TFCP2: variants seen among roughly 807,000 people sequenced by gnomAD.
The protein encoded by TFCP2 is transcription factor CP2.
Under a neutral mutation model 73.4 loss-of-function variants are expected in TFCP2, and 33 were observed. The observed-to-expected ratio is 0.45, with a 90% CI of 0.34 to 0.60. TFCP2 has a LOEUF of 0.60. TFCP2 is among the 20% of genes least tolerant of loss of function. The pLI is 0.01. For synonymous variants in TFCP2, 193 were observed against 211.6 expected, an observed-to-expected ratio of 0.91 and a Z score of 0.76; for missense variants, 352 against 604.0, an observed-to-expected ratio of 0.58 and a Z score of 4.37.
intron 4 of TFCP2, among the ~76,000 whole-genome samples, chr12:51,115,119 CTTT>C (rs767275906): frequency 6.0e-5 from 5 of 83,794 alleles, no homozygotes; most frequent in Non-Finnish European, 6.9e-5. Flanking sequence ...AAATTGGAAC[CTTT>C]TTTTTTTTTT....
At chr12:51,114,579 T>C (rs1940476058) in intron 4 of TFCP2, among the ~76,000 whole-genome samples, 1 of 151,728 alleles carries the variant, frequency 6.6e-6, no homozygotes, top group Non-Finnish European at 1.5e-5. Context: ...CACTCCAGCC[T>C]GGGCGACAGA....
In TFCP2 at chr12:51,098,899, T is replaced by G; in HGVS notation, c.1296A>C (p.Leu432=). ...TCAATTCAACAGCTGTTAGTTCTTC[T>G]AGATAGATAGCATGGTAAACTGCAA... ...GTFFVYHAIY[L]EELTAVELTE... Residue 432 remains leucine, a synonymous_variant, in exon 13 of 15, where the codon CTA becomes CTC. Coordinates refer to ENST00000257915, the MANE Select transcript of TFCP2 (RefSeq NM_005653.5). 6.2e-7 allele frequency: 1 copy of G among 1,614,134 alleles called. No individual in the cohort carries two copies. Among genetic ancestry groups the G allele is most frequent in the Non-Finnish European group, 8.5e-7 (1 of 1,180,018 alleles).
At chr12:51,142,127 C>T (rs1984544) in intron 1 of TFCP2, among the ~76,000 whole-genome samples, 108,776 of 146,246 alleles carry the variant, frequency 0.74, 40,605 homozygotes, top group Non-Finnish European at 0.77. Flanking sequence ...TGCTTGAAAT[C>T]CCCAAGGCGG....
intron 1 of TFCP2, among the ~76,000 whole-genome samples, chr12:51,130,046 G>A (rs943792341): frequency 6.6e-6 from 1 of 152,162 alleles, no homozygotes; most frequent in African/African-American, 2.4e-5. Context: ...AGTTAATTGG[G>A]AGGCTGAGGT....
intron 1 of TFCP2, among the ~76,000 whole-genome samples, chr12:51,140,445 CTTTTTTTTT>C (rs768526922): frequency 9.1e-5 from 8 of 88,036 alleles, no homozygotes; most frequent in Non-Finnish European, 1.7e-4. Context: ...TTTTCTTTTT[CTTTTTTTTT>C]TTTTTTTTTT....
At chr12:51,125,252 C>T (rs376065052) in intron 1 of TFCP2, 3 of 588,880 alleles carry the variant, frequency 5.1e-6, no homozygotes. Context: ...AAAGTGAGTC[C>T]CCTACCACAA....
In TFCP2 at chr12:51,147,594, A is replaced by G. The variant is rs550465325; in HGVS notation, c.122+24707T>C. Among the ~76,000 whole-genome samples, 19 of 152,302 alleles carry G rather than the reference A, an allele frequency of 1.2e-4. 1 individual carries two copies. The South Asian group carries it at 3.9e-3, about 32-fold the overall frequency. On this transcript the variant is annotated intron_variant, in intron 1 of 14. Coordinates refer to ENST00000257915, the MANE Select transcript of TFCP2 (RefSeq NM_005653.5). ...CTGGGATAACTGGCAAGCCACATGT[A>G]GGAGAATGAAACTGGATCCTCATCT...
At chr12:51,119,844 GAAAATGTAAGTCCACCCAAGACTTGTTAT>G (rs1221320792) in intron 1 of TFCP2, among the ~76,000 whole-genome samples, 49 of 152,020 alleles carry the variant, frequency 3.2e-4, no homozygotes, top group Admixed American at 1.8e-3. Flanking sequence ...CAAGAAAAAT[GAAAATGTAAGTCCACCCAAGACTTGTTAT>G]AAATGTTCAC....
chr12:51,167,723 A>G (rs1195133965), intron 1 of TFCP2, among the ~76,000 whole-genome samples: 1 of 152,060 alleles, frequency 6.6e-6, no homozygotes. Context: ...GTTGGCAAAG[A>G]TTATTGCTGG....
chr12:51,097,672 A>C (rs1042800344), intron 13 of TFCP2, among the ~76,000 whole-genome samples: 1 of 152,164 alleles, frequency 6.6e-6, no homozygotes, highest in African/African-American at 2.4e-5. Flanking sequence ...ACTTTATTTC[A>C]AACAAATATA....
intron 1 of TFCP2, among the ~76,000 whole-genome samples, chr12:51,170,663 T>C (rs1941841259): frequency 1.3e-5 from 2 of 151,886 alleles, no homozygotes; most frequent in Admixed American, 1.3e-4. Flanking sequence ...CTGAAGATGC[T>C]GAAGTATTAA....
chr12:51,098,437 C>G (rs1940021775), intron 13 of TFCP2, among the ~76,000 whole-genome samples: 1 of 151,040 alleles, frequency 6.6e-6, no homozygotes, highest in African/African-American at 2.4e-5. Flanking sequence ...ACCAACCTGG[C>G]CAACATGGCA....
At position 51,093,851 on chromosome 12, in the gene TFCP2, C is replaced by G. The variant is rs1296510719; in HGVS notation, c.*1390G>C. 6.6e-6 allele frequency: 1 copy of G among 151,844 alleles called. No homozygotes were observed. Among genetic ancestry groups the G allele is most frequent in the East Asian group, 1.9e-4 (1 of 5,168 alleles). The allele number at this position is 151,844 out of a possible 1,614,324, so 9.4% of individuals were successfully genotyped here. Reference sequence around the variant, plus strand: ...TGCTTTAAACACACACACACACACACACACACACAAATCCAAATCCAATAC... The same window carrying G: ...TGCTTTAAACACACACACACACACAGACACACACAAATCCAAATCCAATAC... On this transcript the variant is annotated 3_prime_UTR_variant, in exon 15 of 15. Coordinates refer to ENST00000257915, the MANE Select transcript of TFCP2 (RefSeq NM_005653.5).
At chr12:51,104,018 T>C (rs1220495269) in intron 9 of TFCP2, 137 bp downstream of exon 9, 7 of 921,872 alleles carry the variant, frequency 7.6e-6, no homozygotes, top group East Asian at 5.1e-5. Context: ...ATCTGGTTCA[T>C]AGTCAAAATT....
chr12:51,168,390 A>G (rs1941795503), intron 1 of TFCP2, among the ~76,000 whole-genome samples: 1 of 152,166 alleles, frequency 6.6e-6, no homozygotes, highest in African/African-American at 2.4e-5. Flanking sequence ...TTGGCGACAA[A>G]GCAAGACCTC....
chr12:51,134,832 G>A (rs1941025184), intron 1 of TFCP2, among the ~76,000 whole-genome samples: 1 of 152,204 alleles, frequency 6.6e-6, no homozygotes, highest in African/African-American at 2.4e-5. Flanking sequence ...AATACAGGTT[G>A]GGCACTGTGC....
chr12:51,116,863 C>T (rs1940540423), intron 3 of TFCP2, among the ~76,000 whole-genome samples: 1 of 152,146 alleles, frequency 6.6e-6, no homozygotes, highest in Non-Finnish European at 1.5e-5. Context: ...GCGACCCGCC[C>T]GCCTCAGCCT....
rs192991920 is a variant in TFCP2 at position 51,141,790 on chromosome 12, C to T, written c.123-23018G>A. ...GCATGGTGGCGCACGCCTGTAATCACACCTACTCGGGAGGCTGAGGTACAA... is the reference window on the plus strand; with the variant it reads ...GCATGGTGGCGCACGCCTGTAATCATACCTACTCGGGAGGCTGAGGTACAA... On this transcript the variant is annotated intron_variant, in intron 1 of 14. Transcript: ENST00000257915. 2.6e-5 allele frequency among the ~76,000 whole-genome samples: 4 copies of T among 151,210 alleles called. No homozygotes were observed. In the East Asian group the frequency reaches 7.8e-4, roughly 29 times the overall value.
chr12:51,117,521 T>A (rs1940559366), intron 3 of TFCP2, 150 bp downstream of exon 3: 2 of 617,150 alleles, frequency 3.2e-6, no homozygotes, highest in Admixed American at 5.9e-5. Flanking sequence ...AAATAACACA[T>A]CAGCTTACTA....
Sources: gnomAD v4.1 joint callset for allele counts (sites outside exome capture counted in the v4.1 genomes callset) on GRCh38, gnomAD v4.1.1 for gene constraint, MANE v1.5 for transcripts, NCBI Gene and HGNC (gene_info 2026-07-23, HGNC 2026-07-21) for gene names.